The following CAPN13 variants were observed in gnomAD, a reference collection of about 807,000 sequenced individuals.
CAPN13 encodes calpain-13.
A neutral mutation model predicts 98.4 loss-of-function variants in CAPN13; 90 were observed. That is an observed-to-expected ratio of 0.92 (90% confidence interval 0.77 to 1.09). The LOEUF (loss-of-function observed/expected upper bound fraction) is 1.09, where lower values mean the gene tolerates loss of function less well. Ranked by LOEUF, CAPN13 falls within the 50% of genes least tolerant of loss-of-function variation. The pLI is 0.00. For missense variants in CAPN13, 887 were observed against 841.3 expected, an observed-to-expected ratio of 1.05 and a Z score of -0.67; for synonymous variants, 330 against 305.5, an observed-to-expected ratio of 1.08 and a Z score of -0.84.
chr2:30,741,001 T>C (rs1169556668), intron 15 of CAPN13, among the ~76,000 whole-genome samples: 2 of 152,102 alleles, frequency 1.3e-5, no homozygotes, highest in African/African-American at 2.4e-5. Context: ...GGAATGCATA[T>C]AATATCATCC....
chr2:30,777,648 AAG>A lies in CAPN13; in HGVS notation c.199-11_199-10del. 1 of 1,560,494 alleles carries A rather than the reference AAG, an allele frequency of 6.4e-7. No homozygotes were observed. The highest frequency in any genetic ancestry group is 8.7e-7 in the Non-Finnish European group (1 of 1,148,812). On this transcript the variant is annotated splice_polypyrimidine_tract_variant and intron_variant, in intron 2 of 22. Transcript: ENST00000295055. ...GGACCCCCTGGTAGATCCTTTAGGA[AAG>A]AGGGAGAAAAGCTATGAACATCGTT...
In CAPN13 at chr2:30,751,120, C is replaced by G. The variant is rs370249872; in HGVS notation, c.1219G>C (p.Asp407His). 3.7e-6 allele frequency: 6 copies of G among 1,613,670 alleles called. No individual in the cohort carries two copies. The African/African-American group carries it at 8.0e-5, about 22-fold the overall frequency. The stretch of plus-strand genomic sequence containing the variant: ...TGCCTTACCAGAATCACTTGGAAAT[C>G]GAGTGGAAATTTTGCATCTTCTGCT... ...LKAEDAKFPL[D>H]FQVILAGSQR... is the part of the protein sequence containing the mutation. Residue 407 changes from aspartate to histidine, a missense_variant, in exon 11 of 23, where the codon GAT (aspartate) becomes CAT (histidine). By Grantham distance (81) the Asp-to-His change is moderately conservative. Coordinates refer to ENST00000295055, the MANE Select transcript of CAPN13 (RefSeq NM_144575.3).
chr2:30,740,244 G>A (rs1455976746), intron 15 of CAPN13, among the ~76,000 whole-genome samples: 5 of 152,000 alleles, frequency 3.3e-5, no homozygotes, highest in African/African-American at 9.7e-5. Flanking sequence ...ACAGGCGTGC[G>A]CTACCATGCC....
chr2:30,797,165 A>T (rs915754544), intron 1 of CAPN13, among the ~76,000 whole-genome samples: 2 of 152,212 alleles, frequency 1.3e-5, no homozygotes, highest in African/African-American at 4.8e-5. Context: ...GTCTACAGTG[A>T]TCCTCAGACT....
rs72867127 is a variant in CAPN13, at chr2:30,738,586, G to A, written c.1537-129C>T. 5.2e-3 allele frequency: 5,002 copies of A among 967,094 alleles called. 150 individuals carry two copies. In the African/African-American group the frequency reaches 0.071, roughly 14 times the overall value. 59.9% of individuals were successfully genotyped at this position (967,094 alleles called of 1,614,324 possible). ...CCCACAATGTACCCATCTTGCCCTC[G>A]TCATGAAGACTTACCTGATGGCTGC... On this transcript the variant is annotated intron_variant, in intron 15 of 22. Transcript: ENST00000295055.
In CAPN13 at chr2:30,732,453, GC is replaced by G. The variant is rs1448977497; in HGVS notation, c.1911del (p.Glu639LysfsTer19). ...SFPSLVCFLM[R>X]LEAMAKTFRN... The stretch of plus-strand genomic sequence containing the variant: ...GGACACTTACTTGCCATGGCTTCAA[GC>G]CGCATCAGGAAGCAGACCAGGCTGG... On this transcript the variant is annotated frameshift_variant, in exon 20 of 23. Coordinates refer to ENST00000295055, the MANE Select transcript of CAPN13 (RefSeq NM_144575.3). LOFTEE classifies it high-confidence loss of function. 1 of 1,613,610 alleles carries G rather than the reference GC, an allele frequency of 6.2e-7. No homozygotes were observed. The highest frequency in any genetic ancestry group is 1.7e-5 in the Admixed American group (1 of 60,014).
intron 5 of CAPN13, among the ~76,000 whole-genome samples, chr2:30,768,283 A>G (rs1489397750): frequency 6.6e-6 from 1 of 152,174 alleles, no homozygotes; most frequent in Non-Finnish European, 1.5e-5. Flanking sequence ...TGGGCAGGGA[A>G]TCGGGTGGAA....
Position 30,787,212 on chromosome 2 carries a change from C to T in CAPN13, c.114G>A (p.Glu38=). The T allele has an allele frequency of 1.2e-6, 2 of 1,608,462 alleles. No individual in the cohort carries two copies. The highest frequency in any genetic ancestry group is 2.2e-5 in the South Asian group (2 of 89,314). ...CLSMGRTFKD[E]TFPAADSSIG... ...TGGAAGAATCTGCTGCAGGGAATGT[C>T]TCATCCTTAAACGTCCGGCCCATGC... Residue 38 remains glutamate (E), a synonymous_variant, in exon 2 of 23, where the codon GAG becomes GAA. Coordinates refer to ENST00000295055, the MANE Select transcript of CAPN13 (RefSeq NM_144575.3).
Position 30,758,093 on chromosome 2 carries a change from G to T in CAPN13, c.819C>A (p.Asn273Lys), listed in dbSNP as rs765092556. Reference sequence around the variant, plus strand: ...ATTCGGCCTCGCCCCAGCCCCAGGGGTTCCACAGGGAGATAATTTCTTCCC... The same window carrying T: ...ATTCGGCCTCGCCCCAGCCCCAGGGTTTCCACAGGGAGATAATTTCTTCCC... ...RGWEEIISLW[N>K]PWGWGEAEWR... The change falls in exon 8 of 23, where the codon AAC becomes AAA. Residue 273 changes from asparagine (N) to lysine (K), a missense_variant. By Grantham distance (94) the Asn-to-Lys change is moderately conservative. Transcript: ENST00000295055. 5 of 1,610,592 alleles carry T rather than the reference G, an allele frequency of 3.1e-6. No individual in the cohort carries two copies. In the Middle Eastern group the frequency reaches 5.0e-4, roughly 160 times the overall value.
chr2:30,734,618 G>A, intron 18 of CAPN13, 94 bp from the exon 19 acceptor site: 4 of 960,318 alleles, frequency 4.2e-6, no homozygotes, highest in Non-Finnish European at 6.6e-6. Flanking sequence ...CTAAACCTCA[G>A]AGGAAGGCAC....
chr2:30,726,576 C>T (rs917013313), intron 22 of CAPN13, among the ~76,000 whole-genome samples: 2 of 152,008 alleles, frequency 1.3e-5, no homozygotes, highest in Non-Finnish European at 2.9e-5. Flanking sequence ...TATTGCTGTA[C>T]ACTAGCAATG....
intron 2 of CAPN13, among the ~76,000 whole-genome samples, chr2:30,781,475 A>G (rs1673979964): frequency 6.6e-6 from 1 of 152,114 alleles, no homozygotes; most frequent in African/African-American, 2.4e-5. Flanking sequence ...TGACTTTAAC[A>G]TTTGAGTTGG....
chr2:30,771,073 G>T (rs1402551235), intron 4 of CAPN13, among the ~76,000 whole-genome samples: 2 of 152,206 alleles, frequency 1.3e-5, no homozygotes. Context: ...GCAGCAGAAA[G>T]GATACTGGCT....
chr2:30,781,199 G>C (rs960011234), intron 2 of CAPN13, among the ~76,000 whole-genome samples: 2 of 152,352 alleles, frequency 1.3e-5, no homozygotes, highest in South Asian at 4.1e-4. Flanking sequence ...ATTTGTTCCA[G>C]GTCACACAAG....
At position 30,730,100 on chromosome 2, in the gene CAPN13, A is replaced by G. The variant is rs145925713; in HGVS notation, c.*30+630T>C. On this transcript the variant is annotated intron_variant, in intron 22 of 22. Transcript: ENST00000295055. ...CACTCGGAGATGTCCAACAATGGGA[A>G]CCACAACATCTTGAGCTCCCCTGTC... Among the ~76,000 whole-genome samples, 60 of 152,322 alleles carry G rather than the reference A, an allele frequency of 3.9e-4. No homozygotes were observed. In the East Asian group the frequency reaches 9.8e-3, roughly 25 times the overall value.
At chr2:30,735,555 C>A (rs1454249366) in intron 18 of CAPN13, among the ~76,000 whole-genome samples, 2 of 152,164 alleles carry the variant, frequency 1.3e-5, no homozygotes, top group Admixed American at 6.5e-5. Flanking sequence ...TGTGTTTTAG[C>A]CACTAGGGAG....
chr2:30,731,418 G>C lies in CAPN13; in HGVS notation c.1928-19C>G. On this transcript the variant is annotated intron_variant, in intron 20 of 22. Transcript: ENST00000295055. ...AAGGTCTCTAGGATAAAGAAGGGAA[G>C]GTTTTGACTGACTGAGGAGGAAGGA... 6.2e-7 allele frequency: 1 copy of C among 1,602,148 alleles called. No individual in the cohort carries two copies. The highest frequency in any genetic ancestry group is 8.5e-7 in the Non-Finnish European group (1 of 1,174,084).
chr2:30,793,733 T>C (rs909271790), intron 1 of CAPN13, among the ~76,000 whole-genome samples: 2 of 151,678 alleles, frequency 1.3e-5, no homozygotes, highest in African/African-American at 2.4e-5. Context: ...TATAGACAAA[T>C]AGATCAATGG....
chr2:30,725,853 G>GA (rs1200901313), intron 22 of CAPN13, among the ~76,000 whole-genome samples: 1 of 152,096 alleles, frequency 6.6e-6, no homozygotes, highest in African/African-American at 2.4e-5. Flanking sequence ...AAAAGTGAGG[G>GA]AAAAATAGGC....
Sources: allele counts gnomAD v4.1 joint callset (sites outside exome capture counted in the v4.1 genomes callset), GRCh38; gene constraint gnomAD v4.1.1; transcripts MANE v1.5; gene names NCBI Gene and HGNC (gene_info 2026-07-23, HGNC 2026-07-21).